BCAS3: variants seen among roughly 807,000 people sequenced by gnomAD.
BCAS3 encodes the protein BCAS4/BCAS3 fusion.
In BCAS3, 53 loss-of-function variants were observed where a neutral mutation model predicts 116.1. The ratio of observed to expected loss-of-function variants is 0.46; its 90% confidence interval spans 0.37 to 0.57. The LOEUF (loss-of-function observed/expected upper bound fraction) is 0.57, where lower values mean the gene tolerates loss of function less well. BCAS3 is among the 20% of genes least tolerant of loss of function. The pLI is 0.00. For synonymous variants in BCAS3, 391 were observed against 408.2 expected, an observed-to-expected ratio of 0.96 and a Z score of 0.51; for missense variants, 917 against 1,165.4, an observed-to-expected ratio of 0.79 and a Z score of 3.10.
chr17:61,277,262 CAAAA>C (rs58849968), intron 22 of BCAS3, among the ~76,000 whole-genome samples: 4 of 101,742 alleles, frequency 3.9e-5, no homozygotes, highest in Non-Finnish European at 3.7e-5. Flanking sequence ...GACCCTGTAT[CAAAA>C]AAAAAAAAAA....
rs748097821 is a variant in BCAS3, at chr17:61,248,849, C to T, written c.2426-119478C>T. On this transcript the variant is annotated intron_variant, in intron 22 of 23. Coordinates refer to ENST00000407086, the MANE Select transcript of BCAS3 (RefSeq NM_017679.5). The surrounding 1 kb of genome is among the most constrained non-coding windows in gnomAD (Gnocchi z 4.3). ...TATTCACCTTTTACACTTCAAACCA[C>T]TTGGAGTATCTTAAAGAAGTAGTAT... Among the ~76,000 whole-genome samples the T allele has an allele frequency of 6.6e-6, 1 of 152,216 alleles. No homozygotes were observed. Among genetic ancestry groups the T allele is most frequent in the Non-Finnish European group, 1.5e-5 (1 of 68,040 alleles).
At chr17:60,771,631 C>T (rs2044716608) in intron 6 of BCAS3, among the ~76,000 whole-genome samples, 1 of 151,940 alleles carries the variant, frequency 6.6e-6, no homozygotes, top group African/African-American at 2.4e-5. Flanking sequence ...ATACATGTGC[C>T]ATGTTGGTGT....
At chr17:60,810,783 C>T (rs1439598101) in intron 7 of BCAS3, 1 of 659,006 alleles carries the variant, frequency 1.5e-6, no homozygotes, top group African/African-American at 1.8e-5. Flanking sequence ...TCAAGGCTCT[C>T]AAGGAGGAGC....
chr17:60,764,724 G>C (rs1195349626), intron 6 of BCAS3, among the ~76,000 whole-genome samples: 14 of 152,188 alleles, frequency 9.2e-5, no homozygotes, highest in Admixed American at 9.2e-4. Context: ...GCTTGGTGCA[G>C]AGCTGAGTTC....
At chr17:60,751,967 T>C (rs1426259739) in intron 6 of BCAS3, among the ~76,000 whole-genome samples, 2 of 152,226 alleles carry the variant, frequency 1.3e-5, no homozygotes, top group African/African-American at 4.8e-5. Context: ...TTAGCAAAGG[T>C]AAATCTGACT....
chr17:60,867,392 C>T (rs916880826), intron 7 of BCAS3, among the ~76,000 whole-genome samples: 1 of 152,050 alleles, frequency 6.6e-6, no homozygotes, highest in Non-Finnish European at 1.5e-5. Flanking sequence ...AGACGTGAGC[C>T]ACCACGCCTG....
chr17:61,030,857 G>A (rs1160052970), intron 16 of BCAS3, among the ~76,000 whole-genome samples: 2 of 151,420 alleles, frequency 1.3e-5, no homozygotes, highest in African/African-American at 4.9e-5. Flanking sequence ...TATTGAACAT[G>A]GGGTTATGTG....
rs2078188390 is a variant in BCAS3 at position 61,161,883 on chromosome 17, A to G, written c.2425+77319A>G. The stretch of plus-strand genomic sequence containing the variant: ...TTATAAACATGATTGCTGGACAAAG[A>G]TGAGCAGCACGGATTTGCTGCGATG... On this transcript the variant is annotated intron_variant, in intron 22 of 23. Transcript: ENST00000407086. This position sits in a 1 kb window ranked among gnomAD's most constrained non-coding sequence, Gnocchi z 4.8. Among the ~76,000 whole-genome samples the G allele has an allele frequency of 6.6e-6, 1 of 152,222 alleles. No homozygotes were observed. The highest frequency in any genetic ancestry group is 1.5e-5 in the Non-Finnish European group (1 of 68,048).
chr17:60,977,344 T>A (rs1200229448), intron 14 of BCAS3, among the ~76,000 whole-genome samples: 1 of 152,026 alleles, frequency 6.6e-6, no homozygotes, highest in Non-Finnish European at 1.5e-5. Context: ...CACACCTGGC[T>A]ATTTTTCTTT....
chr17:60,804,899 A>G (rs1444457842), intron 6 of BCAS3, among the ~76,000 whole-genome samples: 1 of 151,226 alleles, frequency 6.6e-6, no homozygotes, highest in Non-Finnish European at 1.5e-5. Flanking sequence ...CTCCTATCAC[A>G]TTTAGTACCT....
intron 22 of BCAS3, among the ~76,000 whole-genome samples, chr17:61,184,874 C>G (rs1189248886): frequency 6.6e-6 from 1 of 151,796 alleles, no homozygotes; most frequent in Admixed American, 6.6e-5. Context: ...ATATGAAGTT[C>G]TAGAAAAAGC....
chr17:60,772,800 G>A (rs747216367), intron 6 of BCAS3, among the ~76,000 whole-genome samples: 1 of 152,120 alleles, frequency 6.6e-6, no homozygotes, highest in Non-Finnish European at 1.5e-5. Context: ...TTGAACCTGG[G>A]AGGTGGAAGT....
At chr17:60,871,886 ATTTCTTTTTTTGGAAT>A (rs1905088931) in intron 8 of BCAS3, among the ~76,000 whole-genome samples, 1 of 151,364 alleles carries the variant, frequency 6.6e-6, no homozygotes, top group Admixed American at 6.6e-5. Context: ...TTAGGAAGGT[ATTTCTTTTTTTGGAAT>A]TTTCTATGAT....
intron 6 of BCAS3, among the ~76,000 whole-genome samples, chr17:60,781,658 TTTC>T (rs199916665): frequency 0.044 from 6,649 of 152,172 alleles, 528 homozygotes; most frequent in African/African-American, 0.15. Flanking sequence ...TCAGATCACA[TTTC>T]TTCTTATTGT....
chr17:60,811,519 G>T, intron 7 of BCAS3: 2 of 373,726 alleles, frequency 5.4e-6, no homozygotes, highest in Non-Finnish European at 1.0e-5. Flanking sequence ...AAGTTCAGAG[G>T]TAAAAAAAAA....
At chr17:60,977,737 T>C (rs1398627441) in intron 14 of BCAS3, among the ~76,000 whole-genome samples, 12 of 150,384 alleles carry the variant, frequency 8.0e-5, no homozygotes, top group African/African-American at 2.5e-5. Context: ...CCACCTATGA[T>C]TGAGAATATG....
chr17:61,110,889 G>C (rs1274847023), intron 22 of BCAS3, among the ~76,000 whole-genome samples: 2 of 152,220 alleles, frequency 1.3e-5, no homozygotes, highest in Non-Finnish European at 2.9e-5. Flanking sequence ...CACGCAGCTG[G>C]AGATCTGAAA....
chr17:60,992,189 T>C (rs1364729756), intron 15 of BCAS3, among the ~76,000 whole-genome samples: 5 of 130,642 alleles, frequency 3.8e-5, no homozygotes, highest in Non-Finnish European at 6.6e-5. Flanking sequence ...TCCGATGACT[T>C]ACACACACAC....
rs1019155879 is a variant in BCAS3 at position 61,097,261 on chromosome 17, C to G, written c.2425+12697C>G. Among the ~76,000 whole-genome samples, 3 of 152,182 alleles carry G rather than the reference C, an allele frequency of 2.0e-5. No homozygotes were observed. The highest frequency in any genetic ancestry group is 7.2e-5 in the African/African-American group (3 of 41,442). ...TGGCGCAATCTCGGCTCACTGCAAG[C>G]TCCACCTCCCGGGTTCATGCCATTC... is the stretch of plus-strand genomic sequence containing the variant. On this transcript the variant is annotated intron_variant, in intron 22 of 23. Coordinates refer to ENST00000407086, the MANE Select transcript of BCAS3 (RefSeq NM_017679.5). The surrounding 1 kb of genome is among the most constrained non-coding windows in gnomAD (Gnocchi z 4.0).
Sources: allele counts gnomAD v4.1 joint callset (sites outside exome capture counted in the v4.1 genomes callset), GRCh38; gene constraint gnomAD v4.1.1; non-coding constraint Gnocchi (gnomAD v3.1); transcripts MANE v1.5; gene names NCBI Gene and HGNC (gene_info 2026-07-23, HGNC 2026-07-21).